The following XKR6 variants were observed in gnomAD, a reference collection of about 807,000 sequenced individuals.
XKR6 encodes XK related 6.
In XKR6, 22 loss-of-function variants were observed where a neutral mutation model predicts 56.7. The ratio of observed to expected loss-of-function variants is 0.39; its 90% CI spans 0.28 to 0.55. XKR6 has a LOEUF of 0.55. XKR6 is among the 20% of genes least tolerant of loss of function. The probability of loss-of-function intolerance (pLI) is 0.66; values close to 1 mark genes in which losing one functional copy is unlikely to be tolerated. For missense variants in XKR6, 852 were observed against 889.0 expected (o/e 0.96, Z 0.53); for synonymous variants, 524 against 387.8 (o/e 1.35, Z -4.13).
intron 1 of XKR6, among the ~76,000 whole-genome samples, chr8:11,053,084 G>A (rs1363346817): frequency 6.6e-6 from 1 of 152,192 alleles, no homozygotes. Context: ...CACCCAGGGT[G>A]CAGCCAATGA....
chr8:10,977,023 A>C (rs1244705555), intron 1 of XKR6, among the ~76,000 whole-genome samples: 2 of 152,110 alleles, frequency 1.3e-5, no homozygotes, highest in African/African-American at 4.8e-5. Flanking sequence ...GAAAAGGATG[A>C]ACAGCTGCCA....
intron 1 of XKR6, among the ~76,000 whole-genome samples, chr8:11,061,894 G>A (rs1452799228): frequency 1.3e-5 from 2 of 152,188 alleles, no homozygotes; most frequent in East Asian, 3.8e-4. Context: ...AGGCAAGGAC[G>A]CGGCCAGCAT....
chr8:10,974,147 A>G (rs1802486294), intron 1 of XKR6, among the ~76,000 whole-genome samples: 1 of 152,236 alleles, frequency 6.6e-6, no homozygotes, highest in African/African-American at 2.4e-5. Context: ...GGGGAGGAAG[A>G]GTAAGTACCC....
At chr8:11,182,625 A>T (rs1803052845) in intron 1 of XKR6, among the ~76,000 whole-genome samples, 1 of 152,204 alleles carries the variant, frequency 6.6e-6, no homozygotes, top group Admixed American at 6.5e-5. Context: ...AGAGAAAAAG[A>T]TTTTGTTTGT....
chr8:11,058,045 T>C (rs1376147442), intron 1 of XKR6, among the ~76,000 whole-genome samples: 1 of 152,194 alleles, frequency 6.6e-6, no homozygotes, highest in African/African-American at 2.4e-5. Flanking sequence ...CCCCAACTTA[T>C]TTTAGTCCCA....
chr8:11,128,494 G>C (rs1248465012), intron 1 of XKR6, among the ~76,000 whole-genome samples: 2 of 152,302 alleles, frequency 1.3e-5, no homozygotes, highest in African/African-American at 2.4e-5. Flanking sequence ...CCAAATGCCT[G>C]ATCTTCCGAA....
chr8:11,029,658 G>A (rs1009264081), intron 1 of XKR6, among the ~76,000 whole-genome samples: 4 of 152,128 alleles, frequency 2.6e-5, no homozygotes, highest in Admixed American at 2.0e-4. Flanking sequence ...TTTCTTCACA[G>A]CAGCCCAGTT....
chr8:11,034,881 A>G (rs1392169432), intron 1 of XKR6, among the ~76,000 whole-genome samples: 1 of 152,182 alleles, frequency 6.6e-6, no homozygotes, highest in Non-Finnish European at 1.5e-5. Flanking sequence ...GTTCCCTCAC[A>G]GTGATGCATA....
chr8:10,999,393 T>C (rs980715472), intron 1 of XKR6, among the ~76,000 whole-genome samples: 2 of 152,276 alleles, frequency 1.3e-5, no homozygotes, highest in Admixed American at 6.5e-5. Context: ...GAATATGTTC[T>C]CATTAATGTG....
intron 1 of XKR6, among the ~76,000 whole-genome samples, chr8:10,979,968 C>A (rs989376850): frequency 6.6e-6 from 1 of 152,238 alleles, no homozygotes; most frequent in Non-Finnish European, 1.5e-5. Flanking sequence ...CGGGTTCACA[C>A]ACCACAACCC....
intron 2 of XKR6, among the ~76,000 whole-genome samples, chr8:10,922,963 G>T (rs540130377): frequency 6.6e-6 from 1 of 152,298 alleles, no homozygotes; most frequent in South Asian, 2.1e-4. Context: ...TCATCCTGTA[G>T]GCACCAGCTG....
At chr8:10,975,912 C>T (rs1802541116) in intron 1 of XKR6, among the ~76,000 whole-genome samples, 2 of 152,218 alleles carry the variant, frequency 1.3e-5, no homozygotes, top group African/African-American at 2.4e-5. Context: ...CAGTGGCTCA[C>T]GCCTGTAATC....
chr8:11,041,422 G>A (rs1799283542), intron 1 of XKR6, among the ~76,000 whole-genome samples: 2 of 152,100 alleles, frequency 1.3e-5, no homozygotes, highest in South Asian at 4.2e-4. Context: ...TGGGCGTGGT[G>A]GTGCGTGCTT....
rs138239953 is a variant in XKR6 at position 11,194,981 on chromosome 8, A to T, written c.764+5595T>A. On this transcript the variant is annotated intron_variant, in intron 1 of 2. Coordinates refer to ENST00000416569, the MANE Select transcript of XKR6 (RefSeq NM_173683.4). ...CCTTGAAAATTTACCATAAATGTCA[A>T]GTTTTTAGGGTTACTGTTCACTCAA... 2.7e-3 allele frequency: 1,492 copies of T among 544,088 alleles called. 19 individuals are homozygous for T. The highest frequency in any genetic ancestry group is 0.025 in the African/African-American group (1,278 of 51,676). The allele number at this position is 544,088 out of a possible 1,614,324, so 33.7% of individuals were successfully genotyped here.
At chr8:11,137,359 A>G in intron 1 of XKR6, 1 of 319,698 alleles carries the variant, frequency 3.1e-6, no homozygotes, top group South Asian at 2.6e-5. Context: ...AAAAAATACA[A>G]AGGAGTCCAG....
chr8:11,106,837 T>A (rs1403614331), intron 1 of XKR6: 1 of 46,020 alleles, frequency 2.2e-5, no homozygotes. Context: ...GGCAAGAGAG[T>A]GAGACTTCAT....
intron 1 of XKR6, chr8:11,124,158 T>C (rs1374216114): frequency 2.7e-6 from 1 of 372,340 alleles, no homozygotes; most frequent in South Asian, 2.0e-5. Flanking sequence ...GGCATTTACA[T>C]ATGAAACTAC....
intron 1 of XKR6, among the ~76,000 whole-genome samples, chr8:10,941,694 G>A (rs1209811442): frequency 6.6e-6 from 1 of 152,246 alleles, no homozygotes; most frequent in Admixed American, 6.5e-5. Context: ...TACAGTCTGT[G>A]TGGCTACGTG....
At chr8:11,157,930 G>T (rs1345276343) in intron 1 of XKR6, among the ~76,000 whole-genome samples, 1 of 152,098 alleles carries the variant, frequency 6.6e-6, no homozygotes, top group African/African-American at 2.4e-5. Context: ...CCATCAAGCG[G>T]CATTAGATAT....
Sources: gnomAD v4.1 joint callset for allele counts (sites outside exome capture counted in the v4.1 genomes callset) on GRCh38, gnomAD v4.1.1 for gene constraint, MANE v1.5 for transcripts, NCBI Gene and HGNC (gene_info 2026-07-23, HGNC 2026-07-21) for gene names.